RAD51B: variants seen among roughly 807,000 people sequenced by gnomAD.
The protein encoded by RAD51B is RAD51 paralog B, also known as DNA repair protein RAD51 homolog 2.
RAD51B carries 38 observed loss-of-function variants against 42.2 expected under a neutral mutation model. The observed-to-expected ratio is 0.90, with a 90% CI of 0.70 to 1.18. The LOEUF (loss-of-function observed/expected upper bound fraction) is 1.18. Among genes scored for constraint, RAD51B ranks in the 50% most tolerant of loss-of-function variants. The probability of loss-of-function intolerance (pLI) is 0.00; values close to 1 mark genes in which losing one functional copy is unlikely to be tolerated. For synonymous variants in RAD51B, 154 were observed against 145.2 expected, an observed-to-expected ratio of 1.06 and a Z score of -0.43; for missense variants, 373 against 400.7, an observed-to-expected ratio of 0.93 and a Z score of 0.59.
intron 10 of RAD51B, among the ~76,000 whole-genome samples, chr14:68,476,998 A>G (rs1882677598): frequency 1.3e-5 from 2 of 152,118 alleles, no homozygotes; most frequent in Non-Finnish European, 2.9e-5. Context: ...TTGCTCTCCA[A>G]ATCATTTCCC....
intron 7 of RAD51B, among the ~76,000 whole-genome samples, chr14:68,105,601 A>G (rs1206737740): frequency 6.6e-6 from 1 of 151,880 alleles, no homozygotes; most frequent in Non-Finnish European, 1.5e-5. Flanking sequence ...TGGTTTTGTT[A>G]TTATTTTAAA....
intron 8 of RAD51B, among the ~76,000 whole-genome samples, chr14:68,315,411 T>C (rs2082037007): frequency 1.3e-5 from 2 of 152,260 alleles, no homozygotes; most frequent in Non-Finnish European, 2.9e-5. Flanking sequence ...TTTGCATGTA[T>C]TGCTCCCTAT....
At chr14:68,092,545 A>T (rs927612536) in intron 7 of RAD51B, among the ~76,000 whole-genome samples, 3 of 152,150 alleles carry the variant, frequency 2.0e-5, no homozygotes, top group African/African-American at 7.2e-5. Flanking sequence ...TTGCACATTG[A>T]TTTTGTATCC....
intron 9 of RAD51B, among the ~76,000 whole-genome samples, chr14:68,428,286 G>T (rs781245328): frequency 7.2e-5 from 11 of 152,128 alleles, no homozygotes; most frequent in Non-Finnish European, 1.5e-4. Context: ...AATCCTTTGT[G>T]TGTCCTCTAG....
intron 7 of RAD51B, among the ~76,000 whole-genome samples, chr14:67,912,314 G>A (rs17104764): frequency 0.28 from 41,876 of 152,050 alleles, 7,536 homozygotes; most frequent in African/African-American, 0.51. Flanking sequence ...AGGAAATGTA[G>A]CTATGCTCAT....
intron 5 of RAD51B, 102 bp downstream of exon 5, chr14:67,865,241 CTTTT>C (rs1269999800): frequency 8.4e-5 from 74 of 879,654 alleles, no homozygotes; most frequent in Middle Eastern, 4.1e-4. Context: ...TCCCCCTTGC[CTTTT>C]TTTTTTTTTT....
chr14:68,578,933 T>C (rs1320808716), intron 10 of RAD51B, among the ~76,000 whole-genome samples: 1 of 152,214 alleles, frequency 6.6e-6, no homozygotes, highest in Non-Finnish European at 1.5e-5. Context: ...TCTAGCTCAC[T>C]GTGTGGACCT....
At chr14:68,046,560 G>T (rs1566603258) in intron 7 of RAD51B, among the ~76,000 whole-genome samples, 1 of 152,318 alleles carries the variant, frequency 6.6e-6, no homozygotes, top group East Asian at 1.9e-4. Flanking sequence ...GCAACATGGT[G>T]AAACCCTGTC....
At chr14:68,607,434 C>T (rs971450765) in intron 10 of RAD51B, among the ~76,000 whole-genome samples, 5 of 152,198 alleles carry the variant, frequency 3.3e-5, no homozygotes, top group African/African-American at 1.2e-4. Flanking sequence ...AGAGACCCTC[C>T]CCCACAGCCC....
At chr14:68,300,323 A>C (rs2081701898) in intron 8 of RAD51B, among the ~76,000 whole-genome samples, 1 of 151,898 alleles carries the variant, frequency 6.6e-6, no homozygotes, top group African/African-American at 2.4e-5. Context: ...CTCCCACCTC[A>C]GCCTCCCAAG....
At chr14:68,067,477 C>CAAAAAAAAAAAAAAAAAAAA (rs79038337) in intron 7 of RAD51B, among the ~76,000 whole-genome samples, 1 of 101,796 alleles carries the variant, frequency 9.8e-6, no homozygotes. Flanking sequence ...AAAAAAAAAA[C>CAAAAAAAAAAAAAAAAAAAA]AAAAAAAAAA....
At chr14:68,595,794 A>G (rs907392427) in exon 11 of RAD51B, 1 of 380,158 alleles carries the variant, frequency 2.6e-6, no homozygotes. Context: ...ATTAAAGAGA[A>G]AAAACAGATT....
At chr14:68,079,237 A>G (rs2076878711) in intron 7 of RAD51B, among the ~76,000 whole-genome samples, 1 of 152,184 alleles carries the variant, frequency 6.6e-6, no homozygotes, top group Non-Finnish European at 1.5e-5. Flanking sequence ...TGATTTCAGG[A>G]AAGGAGCATT....
intron 11 of RAD51B, among the ~76,000 whole-genome samples, chr14:68,671,002 T>C (rs1035700090): frequency 2.0e-5 from 3 of 152,162 alleles, no homozygotes; most frequent in African/African-American, 7.2e-5. Context: ...GCCAGCCAGC[T>C]CCTGGCGTCT....
At chr14:68,190,060 A>G (rs1158129021) in intron 7 of RAD51B, among the ~76,000 whole-genome samples, 1 of 152,238 alleles carries the variant, frequency 6.6e-6, no homozygotes, top group Non-Finnish European at 1.5e-5. Flanking sequence ...TTTCAAAATA[A>G]TTTCAAATTA....
In RAD51B at chr14:67,969,471, TC is replaced by T. The variant is rs1278085488; in HGVS notation, c.756+82269del. ...TATATATACATCTGGTTTTCCCTGT[TC>T]CGTATGCCTAAATCCTCCCTCCATT... On this transcript the variant is annotated intron_variant, in intron 7 of 10. Transcript: ENST00000471583. 2.6e-5 allele frequency among the ~76,000 whole-genome samples: 4 copies of T among 152,274 alleles called. No individual in the cohort carries two copies. In the East Asian group the frequency reaches 7.7e-4, roughly 29 times the overall value.
chr14:68,677,366 G>A (rs1016535997), intron 11 of RAD51B, among the ~76,000 whole-genome samples: 4 of 152,140 alleles, frequency 2.6e-5, no homozygotes, highest in African/African-American at 9.7e-5. Flanking sequence ...CTGCTGCTCC[G>A]GCCCGGGCCT....
chr14:68,474,155 G>A (rs1247306401), intron 10 of RAD51B, among the ~76,000 whole-genome samples: 1 of 152,128 alleles, frequency 6.6e-6, no homozygotes, highest in East Asian at 1.9e-4. Context: ...TTTATTACCT[G>A]TGCTTCTTGA....
intron 7 of RAD51B, among the ~76,000 whole-genome samples, chr14:68,205,705 C>T (rs2079571461): frequency 6.6e-6 from 1 of 151,754 alleles, no homozygotes; most frequent in Admixed American, 6.6e-5. Flanking sequence ...CCATATTCAC[C>T]TGTTGCTAAT....
Sources: gnomAD v4.1 joint callset for allele counts (sites outside exome capture counted in the v4.1 genomes callset) on GRCh38, gnomAD v4.1.1 for gene constraint, MANE v1.5 for transcripts, NCBI Gene and HGNC (gene_info 2026-07-23, HGNC 2026-07-21) for gene names.